The following CDH17 variants were observed in gnomAD, a reference collection of about 807,000 sequenced individuals.
CDH17 encodes the protein cadherin 17.
In CDH17, 67 loss-of-function variants were observed where a neutral mutation model predicts 86.3. The ratio of observed to expected loss-of-function variants is 0.78; its 90% CI spans 0.64 to 0.95. The LOEUF (loss-of-function observed/expected upper bound fraction) is 0.95, where lower values mean the gene tolerates loss of function less well. Among genes scored for constraint, CDH17 ranks in the 40% least tolerant of loss-of-function variants. The probability of loss-of-function intolerance (pLI) is 0.00; values close to 1 mark genes in which losing one functional copy is unlikely to be tolerated. For missense variants in CDH17, 993 were observed against 1,017.6 expected, an observed-to-expected ratio of 0.98 and a Z score of 0.33; for synonymous variants, 367 against 366.4, an observed-to-expected ratio of 1.00 and a Z score of -0.02.
intron 11 of CDH17, 104 bp downstream of exon 11, chr8:94,161,982 A>T: frequency 1.4e-6 from 1 of 719,892 alleles, no homozygotes; most frequent in Non-Finnish European, 2.4e-6. Context: ...GTTACCTGTT[A>T]AGTCTGGCAC....
At chr8:94,144,933 A>G (rs1563567734) in intron 15 of CDH17, among the ~76,000 whole-genome samples, 1 of 152,326 alleles carries the variant, frequency 6.6e-6, no homozygotes, top group East Asian at 1.9e-4. Context: ...CATTAGAGAA[A>G]TACAAATAAA....
At chr8:94,197,003 G>T (rs926812045) in intron 1 of CDH17, among the ~76,000 whole-genome samples, 1 of 152,006 alleles carries the variant, frequency 6.6e-6, no homozygotes, top group African/African-American at 2.4e-5. Flanking sequence ...ATCAGATACC[G>T]CCTCCTCAAG....
At chr8:94,131,723 T>C (rs1236011844) in intron 15 of CDH17, among the ~76,000 whole-genome samples, 1 of 151,966 alleles carries the variant, frequency 6.6e-6, no homozygotes, top group Non-Finnish European at 1.5e-5. Context: ...CCCTAGAACT[T>C]AATGTGCAGG....
chr8:94,131,899 T>C (rs1812428499), intron 15 of CDH17, among the ~76,000 whole-genome samples: 1 of 152,166 alleles, frequency 6.6e-6, no homozygotes, highest in South Asian at 2.1e-4. Flanking sequence ...CATTGTTCAA[T>C]TCCCACCTAT....
chr8:94,195,915 C>G (rs534156485), intron 1 of CDH17, among the ~76,000 whole-genome samples: 4 of 152,248 alleles, frequency 2.6e-5, no homozygotes, highest in African/African-American at 9.6e-5. Flanking sequence ...CGCCTGCCAC[C>G]ACGCCTGGCT....
chr8:94,179,144 C>A (rs1032306340), intron 3 of CDH17, among the ~76,000 whole-genome samples: 1 of 151,994 alleles, frequency 6.6e-6, no homozygotes, highest in African/African-American at 2.4e-5. Flanking sequence ...GCAACAGCCT[C>A]ACACCACAGT....
chr8:94,155,409 G>A (rs1812928221), intron 12 of CDH17, among the ~76,000 whole-genome samples: 1 of 151,962 alleles, frequency 6.6e-6, no homozygotes, highest in Admixed American at 6.5e-5. Flanking sequence ...GGGGACAAAG[G>A]ACACAGCTCT....
At chr8:94,159,859 T>C (rs1245866765) in intron 12 of CDH17, 112 bp downstream of exon 12, 2 of 713,162 alleles carry the variant, frequency 2.8e-6, no homozygotes, top group Non-Finnish European at 4.3e-6. Context: ...CCCATCACCA[T>C]GCCTGAGAGA....
At chr8:94,181,597 A>T (rs1345177175) in intron 3 of CDH17, among the ~76,000 whole-genome samples, 1 of 152,132 alleles carries the variant, frequency 6.6e-6, no homozygotes, top group African/African-American at 2.4e-5. Context: ...AATGAAAATG[A>T]AACACAGCAT....
chr8:94,172,334 G>A (rs1813284993), intron 7 of CDH17, among the ~76,000 whole-genome samples: 1 of 150,820 alleles, frequency 6.6e-6, no homozygotes, highest in Non-Finnish European at 1.5e-5. Flanking sequence ...TTTCCCTCCT[G>A]AAGTTGAAGT....
chr8:94,130,576 C>T, intron 17 of CDH17, 50 bp downstream of exon 17: 1 of 1,299,422 alleles, frequency 7.7e-7, no homozygotes, highest in Non-Finnish European at 1.1e-6. Context: ...GATGAGCTCA[C>T]ATTTCTGAGG....
intron 15 of CDH17, among the ~76,000 whole-genome samples, chr8:94,142,822 G>A (rs977048170): frequency 1.3e-5 from 2 of 152,150 alleles, no homozygotes; most frequent in Non-Finnish European, 2.9e-5. Flanking sequence ...TGAGAGTGCA[G>A]CAATTCAGTT....
At chr8:94,186,736 C>T (rs1261256306) in intron 3 of CDH17, among the ~76,000 whole-genome samples, 1 of 152,208 alleles carries the variant, frequency 6.6e-6, no homozygotes, top group African/African-American at 2.4e-5. Flanking sequence ...CGTCTAGGCT[C>T]GCTCCCTTGC....
intron 1 of CDH17, among the ~76,000 whole-genome samples, chr8:94,215,276 T>A (rs1814176426): frequency 6.6e-6 from 1 of 152,216 alleles, no homozygotes; most frequent in South Asian, 2.1e-4. Flanking sequence ...GGTATCCATA[T>A]GATAGAATAT....
At chr8:94,135,652 C>T (rs1171119905) in intron 15 of CDH17, among the ~76,000 whole-genome samples, 1 of 152,130 alleles carries the variant, frequency 6.6e-6, no homozygotes, top group African/African-American at 2.4e-5. Context: ...AGCCCATTTA[C>T]ATTTAAGGTT....
Position 94,143,972 on chromosome 8 carries a change from C to T in CDH17, c.2167+1956G>A, listed in dbSNP as rs189796769. ...AATTTCCCTCAATAACTTTTGCCTT[C>T]ACAACTTGGCTAAGCATTTCATGCA... On this transcript the variant is annotated intron_variant, in intron 15 of 17. Coordinates refer to ENST00000027335, the MANE Select transcript of CDH17 (RefSeq NM_004063.4). Among the ~76,000 whole-genome samples, 48 of 152,304 alleles carry T rather than the reference C, an allele frequency of 3.2e-4. No individual in the cohort carries two copies. The East Asian group carries it at 6.0e-3, about 19-fold the overall frequency.
At position 94,135,530 on chromosome 8, in the gene CDH17, T is replaced by C. The variant is rs369601944; in HGVS notation, c.2168-4538A>G. ...CTTGGTAGATCTTCCTCCATCCTTT[T>C]ATTTTGAGTCTATGTGTTTCTCTGC... On this transcript the variant is annotated intron_variant, in intron 15 of 17. Transcript: ENST00000027335. Among the ~76,000 whole-genome samples, 91 of 152,350 alleles carry C rather than the reference T, an allele frequency of 6.0e-4. 2 individuals carry two copies. The South Asian group carries it at 0.018, about 31-fold the overall frequency.
At chr8:94,158,114 A>G (rs1440232087) in intron 12 of CDH17, among the ~76,000 whole-genome samples, 1 of 152,166 alleles carries the variant, frequency 6.6e-6, no homozygotes, top group East Asian at 1.9e-4. Context: ...CACAGGCCTA[A>G]AGCACAGGTT....
At chr8:94,141,017 C>G (rs979918572) in intron 15 of CDH17, among the ~76,000 whole-genome samples, 7 of 152,136 alleles carry the variant, frequency 4.6e-5, no homozygotes, top group African/African-American at 1.7e-4. Context: ...CCTCATTATA[C>G]AAGGCAAAAT....
Sources: gnomAD v4.1 joint callset for allele counts (sites outside exome capture counted in the v4.1 genomes callset) on GRCh38, gnomAD v4.1.1 for gene constraint, MANE v1.5 for transcripts, NCBI Gene and HGNC (gene_info 2026-07-23, HGNC 2026-07-21) for gene names.